NPSR1: variants seen among roughly 807,000 people sequenced by gnomAD.
The protein encoded by NPSR1 is neuropeptide S receptor 1, also known as neuropeptide S receptor.
A neutral mutation model predicts 46.9 loss-of-function variants in NPSR1; 48 were observed. That is an observed-to-expected ratio of 1.02 (90% CI 0.81 to 1.30). The LOEUF is 1.30. Among genes scored for constraint, NPSR1 ranks in the 50% most tolerant of loss-of-function variants. The pLI is 0.00. For synonymous variants in NPSR1, 176 were observed against 168.1 expected (o/e 1.05, Z -0.36); for missense variants, 450 against 449.5 (o/e 1.00, Z -0.01).
At chr7:34,709,328 T>G (rs555684464) in intron 2 of NPSR1, among the ~76,000 whole-genome samples, 219 of 152,314 alleles carry the variant, frequency 1.4e-3, no homozygotes, top group African/African-American at 5.1e-3. Context: ...TTAACATTAA[T>G]AATTATTACC....
chr7:34,795,382 A>C (rs1788128155), intron 3 of NPSR1, among the ~76,000 whole-genome samples: 1 of 152,160 alleles, frequency 6.6e-6, no homozygotes, highest in Non-Finnish European at 1.5e-5. Flanking sequence ...TCCCTCTCAC[A>C]TTCCTTTTCA....
intron 5 of NPSR1, among the ~76,000 whole-genome samples, chr7:34,830,774 C>A (rs1237318615): frequency 1.3e-5 from 2 of 152,126 alleles, no homozygotes; most frequent in African/African-American, 4.8e-5. Flanking sequence ...TGCCCAGCTT[C>A]GTATGCATTT....
At chr7:34,664,543 C>A (rs1304595117) in intron 1 of NPSR1, among the ~76,000 whole-genome samples, 1 of 151,862 alleles carries the variant, frequency 6.6e-6, no homozygotes, top group Non-Finnish European at 1.5e-5. Context: ...GGTGGAAGCA[C>A]TTCAGGACAG....
intron 6 of NPSR1, among the ~76,000 whole-genome samples, chr7:34,836,783 A>G (rs922569213): frequency 6.6e-6 from 1 of 152,078 alleles, no homozygotes; most frequent in Non-Finnish European, 1.5e-5. Context: ...AGAAAAAAAT[A>G]TAGGAAATAT....
intron 2 of NPSR1, among the ~76,000 whole-genome samples, chr7:34,753,137 G>C (rs987503951): frequency 4.6e-5 from 7 of 152,042 alleles, no homozygotes; most frequent in African/African-American, 1.7e-4. Context: ...CAAAAATCAG[G>C]GTCCTCCAGG....
intron 3 of NPSR1, among the ~76,000 whole-genome samples, chr7:34,790,841 A>ATATATGTTATATGTTATGTTATATATGT (rs1554330751): frequency 1.5e-4 from 20 of 129,206 alleles, no homozygotes; most frequent in Admixed American, 1.5e-3. Context: ...GTTATGTTAT[A>ATATATGTTATATGTTATGTTATATATGT]TATATGTTAT....
At chr7:34,743,442 CTTCT>C (rs1397670250) in intron 2 of NPSR1, among the ~76,000 whole-genome samples, 4 of 146,936 alleles carry the variant, frequency 2.7e-5, no homozygotes, top group East Asian at 2.0e-4. Context: ...CTCTCTCTGT[CTTCT>C]TTTTTTTTTT....
At chr7:34,678,208 C>T (rs932739655) in intron 1 of NPSR1, among the ~76,000 whole-genome samples, 1 of 146,872 alleles carries the variant, frequency 6.8e-6, no homozygotes, top group Non-Finnish European at 1.5e-5. Context: ...TGATACAAGG[C>T]TTTGCAATTC....
intron 3 of NPSR1, among the ~76,000 whole-genome samples, chr7:34,790,890 A>T (rs1175279244): frequency 0.014 from 1,587 of 109,456 alleles, 146 homozygotes; most frequent in African/African-American, 0.053. Context: ...ATTATATATC[A>T]TATATGTTAT....
chr7:34,840,962 C>G (rs1005809387), intron 6 of NPSR1, among the ~76,000 whole-genome samples: 3 of 152,122 alleles, frequency 2.0e-5, no homozygotes, highest in Non-Finnish European at 4.4e-5. Flanking sequence ...GCTTAAAATA[C>G]TGAACTGATG....
At chr7:34,876,026 A>G (rs1268093287) in intron 8 of NPSR1, among the ~76,000 whole-genome samples, 1 of 152,168 alleles carries the variant, frequency 6.6e-6, no homozygotes, top group Non-Finnish European at 1.5e-5. Context: ...AAAGGGTGGA[A>G]AGCTACAGCA....
At chr7:34,703,287 C>G (rs1259296366) in intron 2 of NPSR1, among the ~76,000 whole-genome samples, 1 of 152,196 alleles carries the variant, frequency 6.6e-6, no homozygotes, top group African/African-American at 2.4e-5. Context: ...GGGAGAATGG[C>G]GTGAACCCGG....
At chr7:34,856,008 A>C (rs1791040022) in intron 8 of NPSR1, among the ~76,000 whole-genome samples, 1 of 152,170 alleles carries the variant, frequency 6.6e-6, no homozygotes. Context: ...AATTTCTTAA[A>C]CCTTAAAGTT....
At chr7:34,703,556 A>AT (rs1793955089) in intron 2 of NPSR1, among the ~76,000 whole-genome samples, 1 of 152,028 alleles carries the variant, frequency 6.6e-6, no homozygotes, top group Non-Finnish European at 1.5e-5. Flanking sequence ...ACGTGTTTTT[A>AT]TTTTGCTCTT....
At chr7:34,732,056 G>T (rs1310810706) in intron 2 of NPSR1, among the ~76,000 whole-genome samples, 1 of 142,834 alleles carries the variant, frequency 7.0e-6, no homozygotes, top group Admixed American at 7.1e-5. Context: ...TTCCAGCCTG[G>T]GTGACAGAGT....
At chr7:34,742,848 T>A (rs975237988) in intron 2 of NPSR1, among the ~76,000 whole-genome samples, 3 of 152,210 alleles carry the variant, frequency 2.0e-5, no homozygotes, top group Admixed American at 6.5e-5. Context: ...TAATAGCCAT[T>A]CTGATGGATG....
intron 7 of NPSR1, 141 bp from the exon 8 acceptor site, chr7:34,848,342 T>C: frequency 2.8e-6 from 2 of 710,058 alleles, no homozygotes; most frequent in South Asian, 1.7e-5. Flanking sequence ...ACATCAATGC[T>C]CCAAACAACA....
At chr7:34,689,556 G>A (rs1793115835) in intron 2 of NPSR1, among the ~76,000 whole-genome samples, 1 of 129,954 alleles carries the variant, frequency 7.7e-6, no homozygotes, top group Admixed American at 9.2e-5. Context: ...AGTGAGCCGA[G>A]ATTGTGCCAC....
At chr7:34,720,195 G>A (rs1012563451) in intron 2 of NPSR1, among the ~76,000 whole-genome samples, 7 of 151,442 alleles carry the variant, frequency 4.6e-5, no homozygotes, top group East Asian at 1.9e-4. Context: ...GAGGAGAATC[G>A]CTTGAACCCG....
Sources: allele counts gnomAD v4.1 joint callset (sites outside exome capture counted in the v4.1 genomes callset), GRCh38; gene constraint gnomAD v4.1.1; transcripts MANE v1.5; gene names NCBI Gene and HGNC (gene_info 2026-07-23, HGNC 2026-07-21).